The following HDAC4 variants were observed in gnomAD, a reference collection of about 807,000 sequenced individuals.
HDAC4 encodes histone deacetylase 4, also known as histone deacetylase A.
Under a neutral mutation model 135.1 loss-of-function variants are expected in HDAC4, and 16 were observed. That is an observed-to-expected ratio of 0.12 (90% CI 0.08 to 0.18). The LOEUF (loss-of-function observed/expected upper bound fraction) is 0.18, where lower values mean the gene tolerates loss of function less well. HDAC4 is among the 10% of genes least tolerant of loss of function. The pLI is 1.00. For missense variants in HDAC4, 1,143 were observed against 1,511.8 expected, an observed-to-expected ratio of 0.76 and a Z score of 4.05; for synonymous variants, 685 against 653.4, an observed-to-expected ratio of 1.05 and a Z score of -0.74.
At chr2:239,157,146 G>C (rs1404787261) in intron 6 of HDAC4, among the ~76,000 whole-genome samples, 1 of 152,202 alleles carries the variant, frequency 6.6e-6, no homozygotes, top group Non-Finnish European at 1.5e-5. Flanking sequence ...GGTGGGGAGA[G>C]GAAGAGGAAA....
chr2:239,271,487 G>A (rs2050057040), intron 2 of HDAC4, among the ~76,000 whole-genome samples: 1 of 152,222 alleles, frequency 6.6e-6, no homozygotes. Context: ...TTGGAATAAT[G>A]AGGAATACTC....
At chr2:239,144,486 C>CA in intron 8 of HDAC4, 97 bp downstream of exon 8, 1 of 1,483,228 alleles carries the variant, frequency 6.7e-7, no homozygotes, top group Non-Finnish European at 9.4e-7. Context: ...GTGAGGCAGA[C>CA]ACGTGGGTTT....
At chr2:239,182,988 A>G (rs1286930747) in intron 4 of HDAC4, among the ~76,000 whole-genome samples, 1 of 152,248 alleles carries the variant, frequency 6.6e-6, no homozygotes, top group Non-Finnish European at 1.5e-5. Context: ...TAAGTTAGCT[A>G]AAATTGTCTG....
In HDAC4 at chr2:239,108,140, G is replaced by A. The variant is rs980674927; in HGVS notation, c.2022C>T (p.Cys674=). 7.5e-6 allele frequency: 12 copies of A among 1,606,712 alleles called. No individual in the cohort carries two copies. Among genetic ancestry groups the A allele is most frequent in the African/African-American group, 1.3e-5 (1 of 74,800 alleles). Residue 674 remains cysteine, a synonymous_variant, in exon 15 of 27, where the codon TGC becomes TGT. Transcript: ENST00000543185. ...DTLMLKHQCT[C]GSSSSHPEHA... is the part of the protein sequence containing the mutation. ...GCTCGGGGTGGCTGCTGCTACTCCCGCAGGTGCACTGGTGCTTCAGCATCA... is the reference window on the plus strand; with the variant it reads ...GCTCGGGGTGGCTGCTGCTACTCCCACAGGTGCACTGGTGCTTCAGCATCA...
chr2:239,121,438 G>A (rs967972143), intron 12 of HDAC4, among the ~76,000 whole-genome samples: 13 of 152,282 alleles, frequency 8.5e-5, no homozygotes, highest in South Asian at 2.1e-4. Flanking sequence ...TGAGGCTTTC[G>A]GCAGCCGCGT....
chr2:239,083,112 G>A (rs1223306501), intron 20 of HDAC4, among the ~76,000 whole-genome samples: 1 of 152,236 alleles, frequency 6.6e-6, no homozygotes, highest in Non-Finnish European at 1.5e-5. Context: ...TTCCCGACAT[G>A]TGGCTTCACA....
chr2:239,065,150 T>C (rs1197902631), intron 24 of HDAC4, among the ~76,000 whole-genome samples: 1 of 152,154 alleles, frequency 6.6e-6, no homozygotes, highest in Non-Finnish European at 1.5e-5. Flanking sequence ...TGTCCTGGGA[T>C]GGCTGCAGTC....
intron 22 of HDAC4, among the ~76,000 whole-genome samples, chr2:239,075,868 A>G (rs1474320755): frequency 6.6e-6 from 1 of 151,744 alleles, no homozygotes; most frequent in Non-Finnish European, 1.5e-5. Context: ...CCGGGAAACA[A>G]AGCTGGGCCG....
At chr2:239,222,376 C>T (rs547877903) in intron 3 of HDAC4, among the ~76,000 whole-genome samples, 2 of 152,048 alleles carry the variant, frequency 1.3e-5, no homozygotes, top group Admixed American at 6.6e-5. Context: ...TGTTCTATAT[C>T]CCCAGGAAGA....
At chr2:239,329,609 C>T (rs1691422774) in intron 2 of HDAC4, among the ~76,000 whole-genome samples, 1 of 151,548 alleles carries the variant, frequency 6.6e-6, no homozygotes, top group African/African-American at 2.4e-5. Flanking sequence ...ATCTGATGTC[C>T]AAGTTATTCT....
intron 2 of HDAC4, among the ~76,000 whole-genome samples, chr2:239,343,481 A>G (rs1264606332): frequency 1.3e-5 from 2 of 152,246 alleles, no homozygotes; most frequent in African/African-American, 2.4e-5. Flanking sequence ...GGGACACAAA[A>G]AAGCCTACGT....
At chr2:239,264,112 G>A (rs1388431232) in intron 2 of HDAC4, among the ~76,000 whole-genome samples, 2 of 152,222 alleles carry the variant, frequency 1.3e-5, no homozygotes, top group Non-Finnish European at 2.9e-5. Flanking sequence ...CAGGCCAGGC[G>A]GGGAGCTCGT....
At chr2:239,378,593 G>C (rs895884213) in intron 1 of HDAC4, among the ~76,000 whole-genome samples, 1 of 152,090 alleles carries the variant, frequency 6.6e-6, no homozygotes, top group African/African-American at 2.4e-5. Flanking sequence ...TCAGGAGCCA[G>C]AGGTGGCCTG....
chr2:239,132,425 G>T (rs1057358325), intron 11 of HDAC4, among the ~76,000 whole-genome samples: 1 of 152,216 alleles, frequency 6.6e-6, no homozygotes, highest in African/African-American at 2.4e-5. Context: ...GAGAGAAGGG[G>T]CTTGCAGGGT....
At chr2:239,159,347 TCCACACC>T (rs2042634601) in intron 6 of HDAC4, among the ~76,000 whole-genome samples, 1 of 136,048 alleles carries the variant, frequency 7.4e-6, no homozygotes. Context: ...ACACCCACAT[TCCACACC>T]CCACACCCAC....
chr2:239,085,625 C>G (rs935578928), intron 19 of HDAC4, among the ~76,000 whole-genome samples: 1 of 152,260 alleles, frequency 6.6e-6, no homozygotes, highest in Non-Finnish European at 1.5e-5. Flanking sequence ...AGTGACTGTT[C>G]TGGGATGTGG....
chr2:239,344,925 C>A (rs776987782), intron 2 of HDAC4, among the ~76,000 whole-genome samples: 2 of 152,086 alleles, frequency 1.3e-5, no homozygotes, highest in African/African-American at 4.8e-5. Flanking sequence ...CTATCCAGAA[C>A]CCCCAGGGCT....
At chr2:239,188,098 G>A (rs995512985) in intron 4 of HDAC4, among the ~76,000 whole-genome samples, 11 of 152,244 alleles carry the variant, frequency 7.2e-5, no homozygotes, top group South Asian at 2.1e-4. Context: ...CCCAGCCCCC[G>A]TTCCCTCAAG....
chr2:239,332,522 T>C (rs1286541504), intron 2 of HDAC4, among the ~76,000 whole-genome samples: 1 of 151,848 alleles, frequency 6.6e-6, no homozygotes, highest in Non-Finnish European at 1.5e-5. Context: ...TAGATAATAT[T>C]CTAAACCAAA....
Sources: gnomAD v4.1 joint callset for allele counts (sites outside exome capture counted in the v4.1 genomes callset) on GRCh38, gnomAD v4.1.1 for gene constraint, MANE v1.5 for transcripts, NCBI Gene and HGNC (gene_info 2026-07-23, HGNC 2026-07-21) for gene names.